The following YTHDF2 variants were observed in gnomAD, a reference collection of about 807,000 sequenced individuals.
The protein encoded by YTHDF2 is YTH domain-containing family protein 2.
In YTHDF2, 2 loss-of-function variants were observed where a neutral mutation model predicts 50.4. The ratio of observed to expected loss-of-function variants is 0.04; its 90% CI spans 0.02 to 0.12. The LOEUF (loss-of-function observed/expected upper bound fraction) is 0.12, where lower values mean the gene tolerates loss of function less well. YTHDF2 is among the 10% of genes least tolerant of loss of function. The pLI is 1.00. For missense variants in YTHDF2, 483 were observed against 722.6 expected, an observed-to-expected ratio of 0.67 and a Z score of 3.80; for synonymous variants, 217 against 255.6, an observed-to-expected ratio of 0.85 and a Z score of 1.44.
At chr1:28,763,641 GA>G (rs1216809423) in intron 4 of YTHDF2, among the ~76,000 whole-genome samples, 1 of 151,874 alleles carries the variant, frequency 6.6e-6, no homozygotes, top group Non-Finnish European at 1.5e-5. Flanking sequence ...ATTTTTAGCA[GA>G]GATGGGGTTT....
rs776036195 is a variant in YTHDF2 at position 28,738,249 on chromosome 1, T to G, written c.53-10T>G. 18 of 1,611,550 alleles carry G rather than the reference T, an allele frequency of 1.1e-5. No individual in the cohort carries two copies. The highest frequency in any genetic ancestry group is 4.0e-5 in the African/African-American group (3 of 74,862). On this transcript the variant is annotated splice_polypyrimidine_tract_variant and intron_variant, in intron 2 of 4. Transcript: ENST00000373812. ...TTGGGACACTCCTAATTGAATTTTT[T>G]TTTCTTTAGTACAAAATGGATCTGT...
At chr1:28,737,830 G>C in intron 2 of YTHDF2, 148 bp downstream of exon 2, 1 of 896,224 alleles carries the variant, frequency 1.1e-6, no homozygotes, top group Non-Finnish European at 1.7e-6. Context: ...GACCCTTTCG[G>C]TGTGTTCTTG....
intron 4 of YTHDF2, among the ~76,000 whole-genome samples, chr1:28,761,127 G>GTT (rs1350271264): frequency 4.0e-4 from 24 of 59,886 alleles, no homozygotes; most frequent in African/African-American, 1.2e-3. Context: ...GTGTGTGTGT[G>GTT]TGTATTTTTT....
intron 3 of YTHDF2, chr1:28,740,544 T>C (rs2087759821): frequency 6.6e-6 from 1 of 152,192 alleles, no homozygotes; most frequent in Admixed American, 6.5e-5. Flanking sequence ...TTCATTACCC[T>C]ATTTTGGAAT....
In YTHDF2 at chr1:28,748,396, A is replaced by G. The variant is rs575725956; in HGVS notation, c.1716+4410A>G. On this transcript the variant is annotated intron_variant, in intron 4 of 4. Coordinates refer to ENST00000373812, the MANE Select transcript of YTHDF2 (RefSeq NM_016258.3). ...GTGTTTGTGTGTGTACCTTTGTAGT[A>G]TTTACGAGATTGCAGAAGCTTTCAT... 9.8e-5 allele frequency among the ~76,000 whole-genome samples: 15 copies of G among 152,298 alleles called. No homozygotes were observed. The East Asian group carries it at 2.3e-3, about 23-fold the overall frequency.
In YTHDF2 at chr1:28,736,984, T is replaced by G; in HGVS notation, c.-137T>G. ...GCCGGAGCCTGAGCCGCGCGCTGTG[T>G]CTCCGCTGCGTCCGCCGAGGCCCCC... On this transcript the variant is annotated 5_prime_UTR_variant, in exon 1 of 5. Coordinates refer to ENST00000373812, the MANE Select transcript of YTHDF2 (RefSeq NM_016258.3). The G allele has an allele frequency of 9.0e-7, 1 of 1,112,404 alleles. No individual in the cohort carries two copies. Among genetic ancestry groups the G allele is most frequent in the Non-Finnish European group, 1.3e-6 (1 of 783,112 alleles). The allele number at this position is 1,112,404 out of a possible 1,614,324, so 68.9% of individuals were successfully genotyped here.
intron 3 of YTHDF2, among the ~76,000 whole-genome samples, chr1:28,740,629 AACCTT>A (rs1487239649): frequency 9.2e-5 from 14 of 152,178 alleles, no homozygotes; most frequent in East Asian, 1.9e-4. Flanking sequence ...TAAAATTTTT[AACCTT>A]ACCTTTGTGA....
At chr1:28,766,786 T>C (rs1251775848) in intron 4 of YTHDF2, among the ~76,000 whole-genome samples, 2 of 151,942 alleles carry the variant, frequency 1.3e-5, no homozygotes, top group Non-Finnish European at 2.9e-5. Context: ...AGAAGGAGCC[T>C]ACTGATGCCC....
At chr1:28,768,599 G>T (rs2088256375) in intron 4 of YTHDF2, among the ~76,000 whole-genome samples, 1 of 152,118 alleles carries the variant, frequency 6.6e-6, no homozygotes, top group South Asian at 2.1e-4. Flanking sequence ...TATGTATTCT[G>T]CTTTATCTGA....
chr1:28,740,701 A>ATTAT (rs528555470), intron 3 of YTHDF2, among the ~76,000 whole-genome samples: 1 of 151,962 alleles, frequency 6.6e-6, no homozygotes, highest in African/African-American at 2.4e-5. Flanking sequence ...GTTTTTATGT[A>ATTAT]TTATTTATTT....
chr1:28,754,418 T>C (rs916755895), intron 4 of YTHDF2, among the ~76,000 whole-genome samples: 2 of 152,090 alleles, frequency 1.3e-5, no homozygotes, highest in Non-Finnish European at 2.9e-5. Context: ...TAGTCCCAGC[T>C]ACTCAGGAGG....
chr1:28,749,296 A>G (rs539121453), intron 4 of YTHDF2, among the ~76,000 whole-genome samples: 30 of 146,042 alleles, frequency 2.1e-4, no homozygotes, highest in Admixed American at 4.3e-4. Flanking sequence ...GGTTCACGCC[A>G]TTCTCCTGCC....
chr1:28,759,549 C>G (rs1318904159), intron 4 of YTHDF2, among the ~76,000 whole-genome samples: 2 of 152,128 alleles, frequency 1.3e-5, no homozygotes, highest in African/African-American at 4.8e-5. Flanking sequence ...TCTGTTGTTC[C>G]TAGGATACCA....
chr1:28,754,602 T>TCA (rs1320772067), intron 4 of YTHDF2, among the ~76,000 whole-genome samples: 1 of 151,498 alleles, frequency 6.6e-6, no homozygotes, highest in Non-Finnish European at 1.5e-5. Flanking sequence ...GGTGGGTAGT[T>TCA]CGCAAGGTCA....
intron 4 of YTHDF2, among the ~76,000 whole-genome samples, chr1:28,768,465 G>A (rs1417676456): frequency 6.6e-6 from 1 of 152,014 alleles, no homozygotes; most frequent in Non-Finnish European, 1.5e-5. Flanking sequence ...AACCCTGTGA[G>A]ATACTTACCT....
At chr1:28,740,791 C>T (rs1383930855) in intron 3 of YTHDF2, among the ~76,000 whole-genome samples, 1 of 151,996 alleles carries the variant, frequency 6.6e-6, no homozygotes, top group Non-Finnish European at 1.5e-5. Context: ...GCAACCTTCA[C>T]CTCCTGGGTT....
intron 4 of YTHDF2, among the ~76,000 whole-genome samples, chr1:28,764,139 G>A (rs1189599409): frequency 6.6e-6 from 1 of 151,164 alleles, no homozygotes. Flanking sequence ...AGTAAGAGAC[G>A]GGGGTTTCTC....
At chr1:28,766,267 GTGTGTA>G (rs996556723) in intron 4 of YTHDF2, among the ~76,000 whole-genome samples, 8 of 25,568 alleles carry the variant, frequency 3.1e-4, no homozygotes, top group Non-Finnish European at 7.3e-4. Context: ...AATTTTGTGT[GTGTGTA>G]TGTGTGTATG....
rs749321426 is a variant in YTHDF2 at position 28,765,612 on chromosome 1, TTTG to T, written c.1717-3297_1717-3295del. Among the ~76,000 whole-genome samples, 21 of 151,460 alleles carry T rather than the reference TTTG, an allele frequency of 1.4e-4. 1 individual carries two copies. Among genetic ancestry groups the T allele is most frequent in the Admixed American group, 4.6e-4 (7 of 15,192 alleles). On this transcript the variant is annotated intron_variant, in intron 4 of 4. Transcript: ENST00000373812. ...CACCACCACACCCAGCTAAGTTAAA[TTTG>T]TTGTTGTTGTTGTTGTTGTAGAGAC... is the stretch of plus-strand genomic sequence containing the variant.
Sources: allele counts gnomAD v4.1 joint callset (sites outside exome capture counted in the v4.1 genomes callset), GRCh38; gene constraint gnomAD v4.1.1; transcripts MANE v1.5; gene names NCBI Gene and HGNC (gene_info 2026-07-23, HGNC 2026-07-21).